DSCAML1: variants seen among roughly 807,000 people sequenced by gnomAD.
DSCAML1 encodes cell adhesion molecule DSCAML1.
Under a neutral mutation model 200.5 loss-of-function variants are expected in DSCAML1, and 38 were observed. The ratio of observed to expected loss-of-function variants is 0.19; its 90% CI spans 0.15 to 0.25. The LOEUF is 0.25. Ranked by LOEUF, DSCAML1 falls within the 10% of genes least tolerant of loss-of-function variation. The probability of loss-of-function intolerance (pLI) is 1.00; values close to 1 mark genes in which losing one functional copy is unlikely to be tolerated. For missense variants in DSCAML1, 2,223 were observed against 2,858.8 expected (o/e 0.78, Z 5.07); for synonymous variants, 1,215 against 1,165.0 (o/e 1.04, Z -0.87).
In DSCAML1 at chr11:117,699,481, G is replaced by A. The variant is rs567667755; in HGVS notation, c.511+77310C>T. Among the ~76,000 whole-genome samples, 8 of 152,370 alleles carry A rather than the reference G, an allele frequency of 5.3e-5. No individual in the cohort carries two copies. The East Asian group carries it at 1.5e-3, about 29-fold the overall frequency. ...GAGACGGCAAAGTCCGAAGGGAGGT[G>A]ACGCAGGAAAACAGACGGTGGCAGT... On this transcript the variant is annotated intron_variant, in intron 3 of 32. Transcript: ENST00000651296.
Position 117,525,089 on chromosome 11 carries a change from A to G in DSCAML1, c.659-6T>C. On this transcript the variant is annotated splice_polypyrimidine_tract_variant and splice_region_variant and intron_variant, in intron 4 of 32. Transcript: ENST00000651296. The stretch of plus-strand genomic sequence containing the variant: ...GGGGATCGACTCAGCAGGGTCTGGA[A>G]GGCAGAGAGGGTCGGCAGCCCTGGC... 6.5e-7 allele frequency: 1 copy of G among 1,532,096 alleles called. No individual in the cohort carries two copies. The highest frequency in any genetic ancestry group is 8.7e-7 in the Non-Finnish European group (1 of 1,146,122). 94.9% of individuals were successfully genotyped at this position (1,532,096 alleles called of 1,614,324 possible). A position where few individuals can be genotyped will look rare whatever the true frequency, so the allele number is the denominator to read the frequency against.
At chr11:117,749,372 C>T (rs948492548) in intron 3 of DSCAML1, among the ~76,000 whole-genome samples, 2 of 152,242 alleles carry the variant, frequency 1.3e-5, no homozygotes, top group African/African-American at 2.4e-5. Context: ...AAGCAGCTTT[C>T]TTTCCTCATG....
At chr11:117,683,546 A>C (rs967640835) in intron 3 of DSCAML1, among the ~76,000 whole-genome samples, 8 of 152,234 alleles carry the variant, frequency 5.3e-5, no homozygotes, top group Non-Finnish European at 1.2e-4. Context: ...ATGGAAGCTC[A>C]GAGAGGTGAG....
intron 3 of DSCAML1, among the ~76,000 whole-genome samples, chr11:117,536,751 T>C (rs2050178378): frequency 6.6e-6 from 1 of 152,180 alleles, no homozygotes; most frequent in Non-Finnish European, 1.5e-5. Context: ...TTTCAAAGGC[T>C]GTGGTATCAT....
intron 19 of DSCAML1, among the ~76,000 whole-genome samples, chr11:117,456,493 C>T (rs1377737118): frequency 1.3e-5 from 2 of 152,140 alleles, no homozygotes; most frequent in Non-Finnish European, 2.9e-5. Context: ...AGCTTTCACT[C>T]TGAAGGCCTC....
intron 17 of DSCAML1, among the ~76,000 whole-genome samples, chr11:117,464,664 G>A (rs578086850): frequency 5.9e-5 from 9 of 152,256 alleles, no homozygotes; most frequent in Admixed American, 1.3e-4. Flanking sequence ...GGAGACAGGT[G>A]GACAGACAAG....
intron 3 of DSCAML1, among the ~76,000 whole-genome samples, chr11:117,573,226 G>C (rs1475357938): frequency 6.6e-6 from 1 of 152,214 alleles, no homozygotes; most frequent in African/African-American, 2.4e-5. Context: ...GAGTACGCTG[G>C]CCGTACGCTC....
At chr11:117,758,845 G>A (rs535187579) in intron 3 of DSCAML1, among the ~76,000 whole-genome samples, 6 of 152,186 alleles carry the variant, frequency 3.9e-5, no homozygotes, top group South Asian at 2.1e-4. Context: ...GCATGTGAGC[G>A]TCCCCAACTA....
At chr11:117,530,614 A>G (rs1406112897) in intron 4 of DSCAML1, among the ~76,000 whole-genome samples, 1 of 152,102 alleles carries the variant, frequency 6.6e-6, no homozygotes, top group Non-Finnish European at 1.5e-5. Flanking sequence ...CTGAAGACAC[A>G]GGGGTGAATC....
chr11:117,654,999 G>T (rs2052704848), intron 3 of DSCAML1, among the ~76,000 whole-genome samples: 1 of 152,232 alleles, frequency 6.6e-6, no homozygotes, highest in Non-Finnish European at 1.5e-5. Flanking sequence ...TCCCAGCCCT[G>T]ATGCCAGATG....
intron 11 of DSCAML1, among the ~76,000 whole-genome samples, chr11:117,482,721 C>T (rs1316792832): frequency 2.6e-5 from 4 of 152,212 alleles, no homozygotes; most frequent in South Asian, 2.1e-4. Context: ...TGCATTCTGT[C>T]GCTTATGTTC....
At chr11:117,628,130 G>A (rs2052094710) in intron 3 of DSCAML1, among the ~76,000 whole-genome samples, 1 of 152,242 alleles carries the variant, frequency 6.6e-6, no homozygotes, top group Admixed American at 6.5e-5. Context: ...CTTCAAAGAT[G>A]AGAGACCGAG....
chr11:117,579,430 CT>C (rs2051004760), intron 3 of DSCAML1, among the ~76,000 whole-genome samples: 3 of 152,222 alleles, frequency 2.0e-5, no homozygotes, highest in Non-Finnish European at 2.9e-5. Context: ...ATCATTTTCA[CT>C]TTAAGGTTTT....
intron 3 of DSCAML1, among the ~76,000 whole-genome samples, chr11:117,745,021 C>A (rs1468069776): frequency 7.1e-5 from 1 of 14,072 alleles, no homozygotes; most frequent in African/African-American, 9.4e-5. Flanking sequence ...AGACAACCAG[C>A]ACACCTCCTG....
At chr11:117,665,497 T>A (rs1387903859) in intron 3 of DSCAML1, among the ~76,000 whole-genome samples, 1 of 152,124 alleles carries the variant, frequency 6.6e-6, no homozygotes, top group Non-Finnish European at 1.5e-5. Flanking sequence ...GGATGTGAAG[T>A]GCATATGATT....
At chr11:117,599,199 C>A (rs979534886) in intron 3 of DSCAML1, among the ~76,000 whole-genome samples, 1 of 152,068 alleles carries the variant, frequency 6.6e-6, no homozygotes, top group African/African-American at 2.4e-5. Context: ...AGGAGGGGAC[C>A]CTGGATCCAG....
intron 1 of DSCAML1, among the ~76,000 whole-genome samples, chr11:117,816,698 A>G (rs2055810714): frequency 6.6e-6 from 1 of 151,224 alleles, no homozygotes; most frequent in African/African-American, 2.4e-5. Context: ...CTGTCCAGGG[A>G]GCCCACTTCC....
chr11:117,532,943 C>T (rs1459529934), intron 3 of DSCAML1, among the ~76,000 whole-genome samples: 1 of 149,176 alleles, frequency 6.7e-6, no homozygotes, highest in African/African-American at 2.5e-5. Context: ...CTAGCCTGGG[C>T]AATATAGGGG....
At position 117,518,304 on chromosome 11, in the gene DSCAML1, T is replaced by C; in HGVS notation, c.1510+162A>G. On this transcript the variant is annotated intron_variant, in intron 7 of 32. Coordinates refer to ENST00000651296, the MANE Select transcript of DSCAML1 (RefSeq NM_020693.4). The surrounding 1 kb of genome is among the most constrained non-coding windows in gnomAD (Gnocchi z 6.3). ...CGCACACAAGAATGGATGATGGCGC[T>C]TGAGGAGGGCAGGAAAAGGGGACGA... is the stretch of plus-strand genomic sequence containing the variant. 2 of 923,948 alleles carry C rather than the reference T, an allele frequency of 2.2e-6. No individual in the cohort carries two copies. Among genetic ancestry groups the C allele is most frequent in the African/African-American group, 1.6e-5 (1 of 61,076 alleles). The allele number at this position is 923,948 out of a possible 1,614,324, so 57.2% of individuals were successfully genotyped here.
Sources: gnomAD v4.1 joint callset for allele counts (sites outside exome capture counted in the v4.1 genomes callset) on GRCh38, gnomAD v4.1.1 for gene constraint, Gnocchi (gnomAD v3.1) non-coding constraint, MANE v1.5 for transcripts, NCBI Gene and HGNC (gene_info 2026-07-23, HGNC 2026-07-21) for gene names.